HENMT1: variants seen among roughly 807,000 people sequenced by gnomAD.
The protein encoded by HENMT1 is HEN methyltransferase 1.
A neutral mutation model predicts 31.1 loss-of-function variants in HENMT1; 27 were observed. The observed-to-expected ratio is 0.87, with a 90% CI of 0.64 to 1.20. The LOEUF (loss-of-function observed/expected upper bound fraction) is 1.20. HENMT1 is among the 50% of genes most tolerant of loss of function. The pLI, the probability that HENMT1 is intolerant of heterozygous loss-of-function variation, is 0.00. For missense variants in HENMT1, 438 were observed against 469.6 expected (o/e 0.93, Z 0.62); for synonymous variants, 167 against 172.2 (o/e 0.97, Z 0.24).
intron 5 of HENMT1, 116 bp downstream of exon 5, chr1:108,654,600 A>T: frequency 1.0e-6 from 1 of 966,464 alleles, no homozygotes. Context: ...TTCCCAACCA[A>T]TGAGCAGTTT....
At chr1:108,651,350 G>T in intron 5 of HENMT1, 141 bp from the exon 6 acceptor site, 1 of 716,496 alleles carries the variant, frequency 1.4e-6, no homozygotes, top group Non-Finnish European at 2.3e-6. Flanking sequence ...TATGACCTAA[G>T]AACAATTATT....
rs796472509 is a variant in HENMT1 at position 108,653,032 on chromosome 1, C to CT, written c.398+1683dup. 4.0e-3 allele frequency among the ~76,000 whole-genome samples: 577 copies of CT among 142,958 alleles called. 2 individuals are homozygous for CT. The highest frequency in any genetic ancestry group is 0.011 in the African/African-American group (442 of 39,158). 93.8% of individuals were successfully genotyped at this position (142,958 alleles called of 152,430 possible). A position where few individuals can be genotyped will look rare whatever the true frequency, so the allele number is the denominator to read the frequency against. ...AGTATTCCATTGTGCATATACATCC[C>CT]TTTTTTTTTTTTGAGACGGAGTTTT... On this transcript the variant is annotated intron_variant, in intron 5 of 7. Transcript: ENST00000651461.
chr1:108,650,082 T>G (rs368308454), intron 7 of HENMT1, 129 bp downstream of exon 7: 10 of 832,536 alleles, frequency 1.2e-5, no homozygotes, highest in African/African-American at 6.7e-5. Context: ...CCTGAAGAAT[T>G]CTCCTAGAGT....
At chr1:108,655,106 T>C (rs1658178138) in intron 4 of HENMT1, among the ~76,000 whole-genome samples, 1 of 152,232 alleles carries the variant, frequency 6.6e-6, no homozygotes, top group East Asian at 1.9e-4. Flanking sequence ...ATACTTTTGG[T>C]TTTCCAGCTT....
At chr1:108,649,762 A>G (rs1021761400) in intron 7 of HENMT1, among the ~76,000 whole-genome samples, 1 of 152,206 alleles carries the variant, frequency 6.6e-6, no homozygotes, top group Non-Finnish European at 1.5e-5. Flanking sequence ...CCTTTTTACT[A>G]CTGATAATCC....
chr1:108,649,962 G>A (rs1314956523), intron 7 of HENMT1: 1 of 572,920 alleles, frequency 1.7e-6, no homozygotes, highest in Non-Finnish European at 3.3e-6. Flanking sequence ...CTACTTTGAA[G>A]TATTCTAAGA....
chr1:108,652,758 T>C (rs1025691397), intron 5 of HENMT1, among the ~76,000 whole-genome samples: 1 of 151,896 alleles, frequency 6.6e-6, no homozygotes, highest in Non-Finnish European at 1.5e-5. Flanking sequence ...GCCTGGCCAA[T>C]AGGGTGAAAC....
rs1488546773 is a variant in HENMT1, at chr1:108,661,047, C to T, written c.-163G>A. ...CATGCCCAACCGAAAAAACAAAGCT[C>T]GTCGCGGAGCCGCCAGCGTCCTCAA... On this transcript the variant is annotated 5_prime_UTR_variant, in exon 1 of 8. Transcript: ENST00000651461. 4.1e-6 allele frequency: 4 copies of T among 978,316 alleles called. No individual in the cohort carries two copies. The highest frequency in any genetic ancestry group is 4.9e-6 in the Non-Finnish European group (4 of 823,482). 60.6% of individuals were successfully genotyped at this position (978,316 alleles called of 1,614,324 possible).
chr1:108,651,730 G>GA lies in HENMT1; in HGVS notation c.399-522dup, dbSNP rs1170567395. Among the ~76,000 whole-genome samples, 3 of 146,534 alleles carry GA rather than the reference G, an allele frequency of 2.0e-5. No individual in the cohort carries two copies. The East Asian group carries it at 6.3e-4, about 31-fold the overall frequency. On this transcript the variant is annotated intron_variant, in intron 5 of 7. Coordinates refer to ENST00000651461, the MANE Select transcript of HENMT1 (RefSeq NM_001102592.2). ...AGACAGACAGAAAGAAAGAGAAAGA[G>GA]AGAGAAGAGAAGAGAGGGGAAGGGA...
intron 5 of HENMT1, among the ~76,000 whole-genome samples, chr1:108,653,399 A>G (rs2100998103): frequency 6.6e-6 from 1 of 152,350 alleles, no homozygotes; most frequent in South Asian, 2.1e-4. Context: ...CTGTTAATAA[A>G]CATTGGGGTG....
intron 3 of HENMT1, among the ~76,000 whole-genome samples, chr1:108,656,622 T>C (rs1447998220): frequency 1.3e-5 from 2 of 152,200 alleles, no homozygotes; most frequent in African/African-American, 2.4e-5. Flanking sequence ...ACTGGGACTA[T>C]AGGCACGCAC....
intron 5 of HENMT1, among the ~76,000 whole-genome samples, chr1:108,651,724 GAA>G (rs1658061640): frequency 7.0e-6 from 1 of 143,296 alleles, no homozygotes; most frequent in Admixed American, 7.1e-5. Flanking sequence ...GAAAGAAAGA[GAA>G]AGAGAGAGAA....
intron 5 of HENMT1, among the ~76,000 whole-genome samples, chr1:108,654,310 A>C (rs1380079722): frequency 1.3e-5 from 2 of 152,172 alleles, no homozygotes; most frequent in Admixed American, 1.3e-4. Flanking sequence ...TTTCAAGTCA[A>C]GTAGTGTGAG....
intron 3 of HENMT1, among the ~76,000 whole-genome samples, chr1:108,655,937 A>G (rs550221486): frequency 4.6e-5 from 7 of 151,974 alleles, no homozygotes; most frequent in African/African-American, 1.4e-4. Flanking sequence ...CTATTTGATC[A>G]CACTAAAATA....
chr1:108,654,970 G>A, intron 4 of HENMT1, 120 bp from the exon 5 acceptor site: 1 of 1,020,780 alleles, frequency 9.8e-7, no homozygotes, highest in Non-Finnish European at 1.4e-6. Context: ...GTCTGACACA[G>A]CCTGTTTTCC....
At chr1:108,654,369 G>A (rs370202848) in intron 5 of HENMT1, among the ~76,000 whole-genome samples, 11 of 152,098 alleles carry the variant, frequency 7.2e-5, no homozygotes, top group African/African-American at 1.4e-4. Context: ...AAGGCCATGT[G>A]TATACCCTTA....
Position 108,648,534 on chromosome 1 carries a change from G to A in HENMT1, c.*32C>T, listed in dbSNP as rs1182818355. ...ATTCTAAGTGAGCACAACTATCGCT[G>A]AGACCCTGAAATTTCAGGAAATAAA... On this transcript the variant is annotated 3_prime_UTR_variant, in exon 8 of 8. Transcript: ENST00000651461. 2 of 1,579,218 alleles carry A rather than the reference G, an allele frequency of 1.3e-6. No homozygotes were observed. Among genetic ancestry groups the A allele is most frequent in the African/African-American group, 1.4e-5 (1 of 73,826 alleles).
chr1:108,651,269 A>G, intron 5 of HENMT1, 60 bp from the exon 6 acceptor site: 1 of 1,402,732 alleles, frequency 7.1e-7, no homozygotes, highest in African/African-American at 1.4e-5. Flanking sequence ...CTATTTTTCT[A>G]ATTGATTTAT....
In HENMT1 at chr1:108,657,599, A is replaced by G; in HGVS notation, c.22-20T>C. 1 of 1,607,932 alleles carries G rather than the reference A, an allele frequency of 6.2e-7. No homozygotes were observed. Among genetic ancestry groups the G allele is most frequent in the Non-Finnish European group, 8.5e-7 (1 of 1,178,426 alleles). ...ACTGCACTGAAGTTCACAAACAAAA[A>G]AAGACAGGTTCTAAATCATGCATGA... On this transcript the variant is annotated intron_variant, in intron 2 of 7. Coordinates refer to ENST00000651461, the MANE Select transcript of HENMT1 (RefSeq NM_001102592.2).
Sources: allele counts gnomAD v4.1 joint callset (sites outside exome capture counted in the v4.1 genomes callset), GRCh38; gene constraint gnomAD v4.1.1; transcripts MANE v1.5; gene names NCBI Gene and HGNC (gene_info 2026-07-23, HGNC 2026-07-21).